PUM2: variants seen among roughly 807,000 people sequenced by gnomAD.
PUM2 encodes the protein pumilio RNA binding family member 2.
PUM2 carries 57 observed loss-of-function variants against 124.5 expected under a neutral mutation model. The observed-to-expected ratio is 0.46, with a 90% CI of 0.37 to 0.57. The LOEUF (loss-of-function observed/expected upper bound fraction) is 0.57. PUM2 is among the 20% of genes least tolerant of loss of function. The pLI is 0.00. For synonymous variants in PUM2, 460 were observed against 446.1 expected, an observed-to-expected ratio of 1.03 and a Z score of -0.39; for missense variants, 1,065 against 1,290.6, an observed-to-expected ratio of 0.83 and a Z score of 2.68.
At chr2:20,344,982 CAAAAAAAA>C (rs762460030) in intron 1 of PUM2, among the ~76,000 whole-genome samples, 1 of 66,262 alleles carries the variant, frequency 1.5e-5, no homozygotes, top group Non-Finnish European at 2.8e-5. Context: ...GACTCTGTCT[CAAAAAAAA>C]AAAAAAAAAA....
chr2:20,347,599 T>C (rs1319134463), intron 1 of PUM2, among the ~76,000 whole-genome samples: 3 of 152,244 alleles, frequency 2.0e-5, no homozygotes, highest in African/African-American at 7.2e-5. Flanking sequence ...AAAATCACTA[T>C]TAAAATATTA....
intron 20 of PUM2, among the ~76,000 whole-genome samples, chr2:20,252,630 TAA>T (rs1206634238): frequency 6.6e-6 from 1 of 152,230 alleles, no homozygotes; most frequent in Non-Finnish European, 1.5e-5. Context: ...GTTTTCTTTA[TAA>T]GTTTTCCTGC....
At chr2:20,268,634 C>CA (rs199759550) in intron 13 of PUM2, among the ~76,000 whole-genome samples, 5,296 of 151,424 alleles carry the variant, frequency 0.035, 87 homozygotes, top group Middle Eastern at 0.068. Flanking sequence ...CAAAACAAAA[C>CA]AAACAAAATA....
At chr2:20,287,703 A>G (rs1343801671) in intron 10 of PUM2, among the ~76,000 whole-genome samples, 1 of 152,202 alleles carries the variant, frequency 6.6e-6, no homozygotes, top group Non-Finnish European at 1.5e-5. Flanking sequence ...GTCTCGCAAC[A>G]CAGACACTGT....
intron 13 of PUM2, among the ~76,000 whole-genome samples, chr2:20,276,894 A>C (rs2148812466): frequency 6.6e-6 from 1 of 152,208 alleles, no homozygotes; most frequent in Admixed American, 6.5e-5. Context: ...ATAATGCAGA[A>C]TGCTGGCCCA....
chr2:20,253,988 T>A lies in PUM2; in HGVS notation c.2897A>T (p.His966Leu), dbSNP rs1278434201. The A allele has an allele frequency of 6.2e-7, 1 of 1,612,758 alleles. No individual in the cohort carries two copies. The highest frequency in any genetic ancestry group is 1.3e-5 in the African/African-American group (1 of 75,002). Reference protein sequence around the residue: ...ASNVVEKCVTHASRAERALLI... With the variant: ...ASNVVEKCVTLASRAERALLI... ...TAAAGCTCTCTCAGCACGGGAGGCA[T>A]GAGTAACACACTTTTCTACTACATT... The change falls in exon 20 of 21, where the codon CAT becomes CTT. Residue 966 changes from histidine to leucine, a missense_variant. Physicochemically the swap from His to Leu is moderately conservative, Grantham distance 99 (BLOSUM62 -3). Coordinates refer to ENST00000361078, the MANE Select transcript of PUM2 (RefSeq NM_015317.5).
chr2:20,288,055 C>G (rs968194042), intron 10 of PUM2, among the ~76,000 whole-genome samples: 6 of 152,208 alleles, frequency 3.9e-5, no homozygotes, highest in Non-Finnish European at 8.8e-5. Context: ...CAAATATACT[C>G]TCCTGAGGAA....
chr2:20,334,513 T>C (rs1685574762), intron 1 of PUM2, among the ~76,000 whole-genome samples: 1 of 152,136 alleles, frequency 6.6e-6, no homozygotes, highest in East Asian at 1.9e-4. Flanking sequence ...GAAATTAACC[T>C]CTGGGGTCAA....
At chr2:20,328,259 G>C (rs935392459) in intron 1 of PUM2, among the ~76,000 whole-genome samples, 1 of 152,170 alleles carries the variant, frequency 6.6e-6, no homozygotes, top group Non-Finnish European at 1.5e-5. Context: ...GAATCTGGGA[G>C]ACAGAGGTTA....
chr2:20,311,800 A>C, intron 4 of PUM2, 137 bp from the exon 5 acceptor site: 1 of 1,058,024 alleles, frequency 9.5e-7, no homozygotes, highest in Non-Finnish European at 1.3e-6. Context: ...GTAGTCAATT[A>C]ATTTATCAAA....
Position 20,350,429 on chromosome 2 carries a change from C to A in PUM2, c.-19+168G>T, listed in dbSNP as rs1010864983. On this transcript the variant is annotated intron_variant, in intron 1 of 20. Transcript: ENST00000361078. ...CACACCCCCTTCCGGCACCCCTCCCCCTGCATTGTGCGAGCGGGCCCCAGG... is the reference window on the plus strand; with the variant it reads ...CACACCCCCTTCCGGCACCCCTCCCACTGCATTGTGCGAGCGGGCCCCAGG... 1.4e-5 allele frequency: 13 copies of A among 950,558 alleles called. No individual in the cohort carries two copies. The African/African-American group carries it at 1.9e-4, about 14-fold the overall frequency. 58.9% of individuals were successfully genotyped at this position (950,558 alleles called of 1,614,324 possible).
chr2:20,352,145 C>G (rs186487138), upstream of PUM2: 52 of 152,388 alleles, frequency 3.4e-4, no homozygotes, highest in African/African-American at 1.2e-3. Flanking sequence ...CTTACCCCGA[C>G]TCCAAATATA....
At chr2:20,302,481 T>C (rs1677229169) in intron 7 of PUM2, among the ~76,000 whole-genome samples, 1 of 152,220 alleles carries the variant, frequency 6.6e-6, no homozygotes, top group African/African-American at 2.4e-5. Flanking sequence ...TTCAGTCCAT[T>C]AGGAATGAGA....
chr2:20,252,254 A>C (rs1363929740), intron 20 of PUM2, among the ~76,000 whole-genome samples: 1 of 152,194 alleles, frequency 6.6e-6, no homozygotes, highest in Non-Finnish European at 1.5e-5. Context: ...CCGCATCTCT[A>C]CAAAATATAA....
At chr2:20,257,058 A>G (rs1294062509) in intron 16 of PUM2, among the ~76,000 whole-genome samples, 4 of 140,266 alleles carry the variant, frequency 2.9e-5, no homozygotes, top group African/African-American at 1.1e-4. Flanking sequence ...AAAAAAAAAA[A>G]AAAAAAAAAA....
At chr2:20,305,493 TATCTAA>T (rs1678032138) in intron 7 of PUM2, among the ~76,000 whole-genome samples, 1 of 127,170 alleles carries the variant, frequency 7.9e-6, no homozygotes, top group African/African-American at 2.9e-5. Flanking sequence ...AAAAAAGACG[TATCTAA>T]AATTATTTTT....
rs1572512654 is a variant in PUM2, at chr2:20,253,026, A to G, written c.3063+796T>C. Among the ~76,000 whole-genome samples, 4 of 152,296 alleles carry G rather than the reference A, an allele frequency of 2.6e-5. No individual in the cohort carries two copies. In the East Asian group the frequency reaches 5.8e-4, roughly 22 times the overall value. On this transcript the variant is annotated intron_variant, in intron 20 of 20. Transcript: ENST00000361078. ...AGGTTATATGCAAATACTATACGCT[A>G]TTTTATATAAGGGACTTGAGCATCC... is the stretch of plus-strand genomic sequence containing the variant.
At chr2:20,335,421 G>C (rs919905758) in intron 1 of PUM2, among the ~76,000 whole-genome samples, 1 of 152,142 alleles carries the variant, frequency 6.6e-6, no homozygotes, top group African/African-American at 2.4e-5. Context: ...CCAGGTTTAG[G>C]TATTTATAGG....
In PUM2 at chr2:20,249,830, C is replaced by G. The variant is rs1438641206; in HGVS notation, c.*1755G>C. On this transcript the variant is annotated 3_prime_UTR_variant, in exon 21 of 21. Transcript: ENST00000361078. ...TTATCTTTCAGAAACTGAATATACA[C>G]AGCAAGTTTTTTTCCAAAATATTTT... is the stretch of plus-strand genomic sequence containing the variant. 1 of 152,600 alleles carries G rather than the reference C, an allele frequency of 6.6e-6. No homozygotes were observed. The highest frequency in any genetic ancestry group is 6.5e-5 in the Admixed American group (1 of 15,286). 9.5% of individuals were successfully genotyped at this position (152,600 alleles called of 1,614,324 possible).
Sources: gnomAD v4.1 joint callset for allele counts (sites outside exome capture counted in the v4.1 genomes callset) on GRCh38, gnomAD v4.1.1 for gene constraint, MANE v1.5 for transcripts, NCBI Gene and HGNC (gene_info 2026-07-23, HGNC 2026-07-21) for gene names.